Variants in SAMSN1 observed in about 807,000 individuals in gnomAD.
SAMSN1 encodes the protein SAM domain-containing protein SAMSN-1.
In SAMSN1, 31 loss-of-function variants were observed where a neutral mutation model predicts 42.0. That is an observed-to-expected ratio of 0.74 (90% CI 0.55 to 1.00). The LOEUF is 1.00. Among genes scored for constraint, SAMSN1 ranks in the 50% least tolerant of loss-of-function variants. The probability of loss-of-function intolerance (pLI) is 0.00; values close to 1 mark genes in which losing one functional copy is unlikely to be tolerated. For synonymous variants in SAMSN1, 178 were observed against 151.9 expected (o/e 1.17, Z -1.26); for missense variants, 464 against 439.4 (o/e 1.06, Z -0.50).
At chr21:14,502,496 C>G (rs1400875308) in intron 5 of SAMSN1, among the ~76,000 whole-genome samples, 1 of 152,126 alleles carries the variant, frequency 6.6e-6, no homozygotes, top group Non-Finnish European at 1.5e-5. Context: ...GGATAAGACC[C>G]TTGATGGAAA....
At chr21:14,528,151 T>A (rs188780782) in intron 1 of SAMSN1, among the ~76,000 whole-genome samples, 20 of 152,258 alleles carry the variant, frequency 1.3e-4, no homozygotes, top group Admixed American at 1.3e-3. Context: ...AATGTGCCCA[T>A]GATGACACTA....
At chr21:14,551,627 T>C (rs530179865) in intron 2 of SAMSN1, among the ~76,000 whole-genome samples, 5 of 152,252 alleles carry the variant, frequency 3.3e-5, no homozygotes, top group Non-Finnish European at 5.9e-5. Context: ...ATTTAATCCA[T>C]TTATGATTAA....
At chr21:14,644,038 T>G (rs1983657953) in intron 1 of SAMSN1, among the ~76,000 whole-genome samples, 1 of 152,116 alleles carries the variant, frequency 6.6e-6, no homozygotes, top group South Asian at 2.1e-4. Flanking sequence ...CTGCAAACCT[T>G]GCCGCCCAGG....
chr21:14,603,989 A>G (rs908996896), intron 5 of SAMSN1, among the ~76,000 whole-genome samples: 1 of 152,128 alleles, frequency 6.6e-6, no homozygotes, highest in Non-Finnish European at 1.5e-5. Flanking sequence ...GGCCCCAAAC[A>G]AGCTTTTCTT....
In SAMSN1 at chr21:14,506,764, C is replaced by T. The variant is rs187598939; in HGVS notation, c.561+3546G>A. On this transcript the variant is annotated intron_variant, in intron 5 of 7. Coordinates refer to ENST00000400566, the MANE Select transcript of SAMSN1 (RefSeq NM_022136.5). ...AAAAAAGAAAACTACAGACCAATAT[C>T]CCTGATGAACATAGATGCTAAAATT... 3.3e-5 allele frequency among the ~76,000 whole-genome samples: 5 copies of T among 152,222 alleles called. No homozygotes were observed. In the East Asian group the frequency reaches 7.7e-4, roughly 23 times the overall value.
At chr21:14,529,819 T>C (rs1292081235) in intron 1 of SAMSN1, among the ~76,000 whole-genome samples, 1 of 152,216 alleles carries the variant, frequency 6.6e-6, no homozygotes, top group Non-Finnish European at 1.5e-5. Flanking sequence ...CTCATTTGTA[T>C]TGACTACTTA....
intron 1 of SAMSN1, among the ~76,000 whole-genome samples, chr21:14,657,835 A>C (rs549290569): frequency 2.8e-4 from 43 of 151,958 alleles, no homozygotes; most frequent in African/African-American, 9.9e-4. Flanking sequence ...AAGATGCTCT[A>C]AGATTAAACC....
At chr21:14,591,766 A>G (rs1232927537) in intron 7 of SAMSN1, among the ~76,000 whole-genome samples, 3 of 152,134 alleles carry the variant, frequency 2.0e-5, no homozygotes, top group African/African-American at 7.2e-5. Context: ...ATTCCACTGT[A>G]AAAACACTAA....
chr21:14,638,024 T>C (rs1185792941), intron 2 of SAMSN1, among the ~76,000 whole-genome samples: 1 of 152,168 alleles, frequency 6.6e-6, no homozygotes, highest in South Asian at 2.1e-4. Flanking sequence ...CATAGTAGAC[T>C]TCCCCTTAAC....
At chr21:14,632,903 G>A (rs1901046646) in intron 2 of SAMSN1, among the ~76,000 whole-genome samples, 1 of 152,112 alleles carries the variant, frequency 6.6e-6, no homozygotes, top group African/African-American at 2.4e-5. Flanking sequence ...TCCTTATCAT[G>A]CAGGTCTCTT....
At chr21:14,618,681 TGTGTGTGTGTGCGC>T (rs1211571096) in intron 2 of SAMSN1, among the ~76,000 whole-genome samples, 15 of 79,964 alleles carry the variant, frequency 1.9e-4, no homozygotes, top group Admixed American at 4.4e-4. Flanking sequence ...TGTGTGTGTG[TGTGTGTGTGTGCGC>T]GCGCGCGCAC....
chr21:14,559,416 G>T (rs1336751329), intron 2 of SAMSN1, among the ~76,000 whole-genome samples: 1 of 152,104 alleles, frequency 6.6e-6, no homozygotes. Flanking sequence ...TCACCACCTT[G>T]GAAAACCCTA....
chr21:14,546,337 G>A (rs1473138784), upstream of SAMSN1: 2 of 1,593,124 alleles, frequency 1.3e-6, no homozygotes, highest in Non-Finnish European at 1.7e-6. Context: ...GCAGTGTGCT[G>A]TCTAATGCAC....
chr21:14,520,690 C>T (rs1978401697), intron 2 of SAMSN1, among the ~76,000 whole-genome samples: 2 of 152,232 alleles, frequency 1.3e-5, no homozygotes, highest in South Asian at 4.1e-4. Flanking sequence ...GAAGCCCACC[C>T]TTTCCCAACT....
chr21:14,510,798 T>C (rs1306962947), intron 4 of SAMSN1, among the ~76,000 whole-genome samples: 1 of 152,200 alleles, frequency 6.6e-6, no homozygotes, highest in East Asian at 1.9e-4. Context: ...TCCCTACAAT[T>C]TCCTCCCCAG....
chr21:14,522,601 C>A (rs1032025743), intron 1 of SAMSN1, among the ~76,000 whole-genome samples: 28 of 152,240 alleles, frequency 1.8e-4, no homozygotes, highest in African/African-American at 6.0e-4. Flanking sequence ...ACAAAATCCA[C>A]TTTACCATAG....
intron 2 of SAMSN1, among the ~76,000 whole-genome samples, chr21:14,561,662 C>T (rs1405913380): frequency 6.6e-6 from 1 of 152,102 alleles, no homozygotes; most frequent in Non-Finnish European, 1.5e-5. Context: ...CAGAATGTGA[C>T]CCTCTTTGGA....
chr21:14,659,217 AAAACGTT>A (rs1325344159), upstream of SAMSN1, among the ~76,000 whole-genome samples: 1 of 151,990 alleles, frequency 6.6e-6, no homozygotes, highest in African/African-American at 2.4e-5. Flanking sequence ...AACAATTAAC[AAAACGTT>A]TGATTCGCTA....
upstream of SAMSN1, chr21:14,583,812 T>C: frequency 1.4e-6 from 1 of 704,528 alleles, no homozygotes; most frequent in Non-Finnish European, 2.6e-6. Flanking sequence ...AGACAAATTA[T>C]TCCTCACAAA....
Sources: allele counts gnomAD v4.1 joint callset (sites outside exome capture counted in the v4.1 genomes callset), GRCh38; gene constraint gnomAD v4.1.1; transcripts MANE v1.5; gene names NCBI Gene and HGNC (gene_info 2026-07-23, HGNC 2026-07-21).